GRIP1: variants seen among roughly 807,000 people sequenced by gnomAD.
The protein encoded by GRIP1 is glutamate receptor interacting protein 1.
Under a neutral mutation model 129.9 loss-of-function variants are expected in GRIP1, and 45 were observed. That is an observed-to-expected ratio of 0.35 (90% CI 0.27 to 0.44). GRIP1 has a LOEUF of 0.44. GRIP1 is among the 20% of genes least tolerant of loss of function. GRIP1 has a pLI of 1.00. For synonymous variants in GRIP1, 530 were observed against 520.8 expected (o/e 1.02, Z -0.24); for missense variants, 1,196 against 1,396.8 (o/e 0.86, Z 2.29).
chr12:66,567,242 G>A (rs1419660725), intron 2 of GRIP1, among the ~76,000 whole-genome samples: 1 of 152,042 alleles, frequency 6.6e-6, no homozygotes, highest in East Asian at 1.9e-4. Context: ...GATCTTTTCT[G>A]CTTTCTCTTG....
At chr12:66,866,843 G>A (rs2040214211) in intron 1 of GRIP1, among the ~76,000 whole-genome samples, 1 of 152,070 alleles carries the variant, frequency 6.6e-6, no homozygotes, top group Non-Finnish European at 1.5e-5. Flanking sequence ...AAACAATAAT[G>A]TGATGTAATG....
intron 7 of GRIP1, among the ~76,000 whole-genome samples, chr12:66,479,052 AAAAGAAAAAAAAGAG>A (rs1184406808): frequency 6.6e-6 from 1 of 151,308 alleles, no homozygotes; most frequent in African/African-American, 2.4e-5. Flanking sequence ...TAAAAAAAGA[AAAAGAAAAAAAAGAG>A]AAAGAAACTG....
chr12:66,499,777 G>C (rs1226846125), intron 7 of GRIP1, among the ~76,000 whole-genome samples: 1 of 152,186 alleles, frequency 6.6e-6, no homozygotes, highest in Non-Finnish European at 1.5e-5. Flanking sequence ...GTCAAGGCGA[G>C]AAGATCACTT....
At chr12:66,585,399 A>T (rs2063589298) in intron 2 of GRIP1, among the ~76,000 whole-genome samples, 1 of 135,508 alleles carries the variant, frequency 7.4e-6, no homozygotes, top group African/African-American at 2.7e-5. Flanking sequence ...GATGATTTCC[A>T]GTTTCATCCA....
chr12:66,829,753 C>A (rs2039484252), intron 1 of GRIP1, among the ~76,000 whole-genome samples: 1 of 152,174 alleles, frequency 6.6e-6, no homozygotes, highest in Admixed American at 6.5e-5. Context: ...GTAAACAGGG[C>A]AAGTACTATT....
At chr12:66,723,319 TTTTTTTTTTTTG>T (rs1186451707) in intron 1 of GRIP1, among the ~76,000 whole-genome samples, 1 of 99,554 alleles carries the variant, frequency 1.0e-5, no homozygotes, top group African/African-American at 4.6e-5. Flanking sequence ...TTTTTTTTTT[TTTTTTTTTTTTG>T]AGACAGAGTC....
chr12:66,976,245 A>G (rs1191292435), intron 1 of GRIP1, among the ~76,000 whole-genome samples: 2 of 152,152 alleles, frequency 1.3e-5, no homozygotes, highest in Non-Finnish European at 2.9e-5. Context: ...CAATTTGGCC[A>G]ATTTGATAGG....
At chr12:66,552,068 G>A (rs1164265101) in intron 2 of GRIP1, among the ~76,000 whole-genome samples, 1 of 152,140 alleles carries the variant, frequency 6.6e-6, no homozygotes, top group Non-Finnish European at 1.5e-5. Flanking sequence ...ATCAGGTAAG[G>A]CTGCACTACA....
At chr12:66,753,190 A>G (rs2037183253) in intron 1 of GRIP1, among the ~76,000 whole-genome samples, 2 of 152,066 alleles carry the variant, frequency 1.3e-5, no homozygotes, top group Admixed American at 6.6e-5. Flanking sequence ...AAATAATCTC[A>G]CTAGAGCAAA....
intron 1 of GRIP1, among the ~76,000 whole-genome samples, chr12:67,055,155 A>G (rs1490537060): frequency 1.3e-5 from 2 of 152,230 alleles, no homozygotes; most frequent in African/African-American, 4.8e-5. Context: ...TGGAGCAGTA[A>G]CTAGGAAAAT....
Position 67,067,561 on chromosome 12 carries a change from C to T in GRIP1, c.58+1489G>A, listed in dbSNP as rs577434046. On this transcript the variant is annotated intron_variant, in intron 1 of 1. Coordinates refer to the GRIP1 transcript ENST00000643019. ...CAGGGGTGCCTTTTGAATGGGTAGA[C>T]GTAAGGTCACCTGCCAGAAAGTGTG... Among the ~76,000 whole-genome samples, 27 of 152,156 alleles carry T rather than the reference C, an allele frequency of 1.8e-4. 1 individual carries two copies. Among genetic ancestry groups the T allele is most frequent in the African/African-American group, 6.3e-4 (26 of 41,512 alleles).
chr12:66,767,636 TG>T (rs1424330428), intron 1 of GRIP1, among the ~76,000 whole-genome samples: 2 of 150,890 alleles, frequency 1.3e-5, no homozygotes, highest in African/African-American at 2.4e-5. Flanking sequence ...GCTACCAGGC[TG>T]ATTTCTTGCC....
intron 16 of GRIP1, among the ~76,000 whole-genome samples, chr12:66,399,510 ATAT>A (rs1449918482): frequency 6.6e-6 from 1 of 151,996 alleles, no homozygotes; most frequent in Non-Finnish European, 1.5e-5. Flanking sequence ...GATGTTAATG[ATAT>A]TATAAACAAC....
chr12:66,856,399 G>A (rs1337163635), intron 1 of GRIP1, among the ~76,000 whole-genome samples: 2 of 152,122 alleles, frequency 1.3e-5, no homozygotes, highest in Non-Finnish European at 1.5e-5. Context: ...AAGAGCTTCT[G>A]CACAGCAAAA....
rs143309621 is a variant in GRIP1, at chr12:66,829,484, G to A, written c.59-232557C>T. 1.3e-4 allele frequency among the ~76,000 whole-genome samples: 20 copies of A among 152,228 alleles called. 1 individual carries two copies. The East Asian group carries it at 3.9e-3, about 29-fold the overall frequency. ...TGTTATTTTAAGCCACCAAGCTTGT[G>A]GTAATAACACGACAGCCACAGGAAA... On this transcript the variant is annotated intron_variant, in intron 1 of 1. Transcript: ENST00000643019.
intron 1 of GRIP1, among the ~76,000 whole-genome samples, chr12:66,951,832 G>A (rs1432965877): frequency 6.6e-6 from 1 of 151,898 alleles, no homozygotes; most frequent in Non-Finnish European, 1.5e-5. Flanking sequence ...TAAAAGAGAG[G>A]TGCTATCAGG....
chr12:66,442,815 G>A (rs1345198749), intron 13 of GRIP1, among the ~76,000 whole-genome samples: 1 of 152,172 alleles, frequency 6.6e-6, no homozygotes. Context: ...GGTTATAGGT[G>A]TAAGCCACCA....
At position 66,347,962 on chromosome 12, in the gene GRIP1, CA is replaced by C. The variant is rs2054051183; in HGVS notation, c.*1056del. The stretch of plus-strand genomic sequence containing the variant: ...AGTGTAGCTATTCAAAATATCTGAA[CA>C]AATGAAAACAGTTGCTGACAAACAT... On this transcript the variant is annotated 3_prime_UTR_variant, in exon 25 of 25. Coordinates refer to ENST00000359742, the MANE Select transcript of GRIP1 (RefSeq NM_001366722.1). 1 of 152,020 alleles carries C rather than the reference CA, an allele frequency of 6.6e-6. No individual in the cohort carries two copies. Among genetic ancestry groups the C allele is most frequent in the South Asian group, 2.1e-4 (1 of 4,826 alleles). The allele number at this position is 152,020 out of a possible 1,614,324, so 9.4% of individuals were successfully genotyped here.
intron 1 of GRIP1, among the ~76,000 whole-genome samples, chr12:66,989,311 A>C (rs2042359882): frequency 6.6e-6 from 1 of 152,252 alleles, no homozygotes; most frequent in South Asian, 2.1e-4. Flanking sequence ...TGGGTAGCCA[A>C]TTGCAGCACA....
Sources: gnomAD v4.1 joint callset for allele counts (sites outside exome capture counted in the v4.1 genomes callset) on GRCh38, gnomAD v4.1.1 for gene constraint, MANE v1.5 for transcripts, NCBI Gene and HGNC (gene_info 2026-07-23, HGNC 2026-07-21) for gene names.